The following PCDHGB4 variants were observed in gnomAD, a reference collection of about 807,000 sequenced individuals.
The protein encoded by PCDHGB4 is protocadherin gamma subfamily B, 4.
Under a neutral mutation model 60.5 loss-of-function variants are expected in PCDHGB4, and 38 were observed. The observed-to-expected ratio is 0.63, with a 90% CI of 0.48 to 0.82. The LOEUF is 0.82. PCDHGB4 is among the 40% of genes least tolerant of loss of function. The probability of loss-of-function intolerance (pLI) is 0.00; values close to 1 mark genes in which losing one functional copy is unlikely to be tolerated. For missense variants in PCDHGB4, 1,109 were observed against 1,209.6 expected (o/e 0.92, Z 1.23); for synonymous variants, 456 against 509.7 (o/e 0.89, Z 1.42).
intron 1 of PCDHGB4, chr5:141,409,000 C>CACTG: frequency 6.2e-7 from 1 of 1,613,950 alleles, no homozygotes; most frequent in Non-Finnish European, 8.5e-7. Flanking sequence ...AAGTGACAGC[C>CACTG]ACTGACCAGG....
rs1467261705 is a variant in PCDHGB4, at chr5:141,417,640, C to G, written c.2397+27359C>G. 6.6e-6 allele frequency: 5 copies of G among 761,360 alleles called. No homozygotes were observed. The African/African-American group carries it at 8.8e-5, about 13-fold the overall frequency. 47.2% of individuals were successfully genotyped at this position (761,360 alleles called of 1,614,324 possible). A position where few individuals can be genotyped will look rare whatever the true frequency, so the allele number is the denominator to read the frequency against. On this transcript the variant is annotated intron_variant, in intron 1 of 3. Coordinates refer to ENST00000519479, the MANE Select transcript of PCDHGB4 (RefSeq NM_003736.4). ...AGAGCAAGCGCTGACGCCGGGGATC[C>G]CTCAGCCTCTAGCCTGGGATTCCCT...
intron 1 of PCDHGB4, chr5:141,414,330 G>T: frequency 6.2e-7 from 1 of 1,613,714 alleles, no homozygotes; most frequent in Non-Finnish European, 8.5e-7. Flanking sequence ...AGAATGGACA[G>T]GTAACCTGTT....
At chr5:141,394,159 C>T in intron 1 of PCDHGB4, 1 of 1,613,916 alleles carries the variant, frequency 6.2e-7, no homozygotes, top group Non-Finnish European at 8.5e-7. Context: ...AACGACAACC[C>T]TCCTACTTTC....
intron 1 of PCDHGB4, among the ~76,000 whole-genome samples, chr5:141,481,743 G>C (rs1257734207): frequency 1.3e-5 from 2 of 152,096 alleles, no homozygotes; most frequent in Non-Finnish European, 2.9e-5. Context: ...CACGAGGTCA[G>C]GAGTCCAAGA....
At chr5:141,418,343 A>G in intron 1 of PCDHGB4, 1 of 1,614,010 alleles carries the variant, frequency 6.2e-7, no homozygotes, top group Non-Finnish European at 8.5e-7. Flanking sequence ...AGATCCTGAT[A>G]TTAGTATGAA....
chr5:141,478,514 G>A, intron 1 of PCDHGB4: 2 of 1,611,534 alleles, frequency 1.2e-6, no homozygotes, highest in Non-Finnish European at 1.7e-6. Context: ...CTATAGGCAG[G>A]TGTTGGGTGC....
rs57426385 is a variant in PCDHGB4 at position 141,415,740 on chromosome 5, G to GTTTTT, written c.2397+25487_2397+25491dup. 865 of 624,308 alleles carry GTTTTT rather than the reference G, an allele frequency of 1.4e-3. 3 individuals carry two copies. Among genetic ancestry groups the GTTTTT allele is most frequent in the South Asian group, 2.2e-3 (75 of 34,868 alleles). The allele number at this position is 624,308 out of a possible 1,614,324, so 38.7% of individuals were successfully genotyped here. A position where few individuals can be genotyped will look rare whatever the true frequency, so the allele number is the denominator to read the frequency against. ...TGAGTAGAATTTGATGTTTATTAAG[G>GTTTTT]TTTTTTTTTTTTTTTTTTTTTTTTT... is the stretch of plus-strand genomic sequence containing the variant. On this transcript the variant is annotated intron_variant, in intron 1 of 3. Transcript: ENST00000519479.
chr5:141,427,046 C>G (rs916723344), intron 1 of PCDHGB4: 2 of 457,362 alleles, frequency 4.4e-6, no homozygotes, highest in Admixed American at 4.7e-5. Context: ...AGAATGTGCC[C>G]CCAGGCACCT....
intron 1 of PCDHGB4, among the ~76,000 whole-genome samples, chr5:141,462,941 G>A (rs1667222225): frequency 6.6e-6 from 1 of 152,158 alleles, no homozygotes; most frequent in Non-Finnish European, 1.5e-5. Flanking sequence ...TTCAAGGCTT[G>A]TTTTTAAGCT....
chr5:141,394,508 C>A (rs776107587), intron 1 of PCDHGB4: 3 of 1,614,104 alleles, frequency 1.9e-6, no homozygotes, highest in Non-Finnish European at 2.5e-6. Context: ...TCCTGTACCC[C>A]GCCCTCCCCA....
At chr5:141,418,868 G>A in intron 1 of PCDHGB4, 2 of 1,613,998 alleles carry the variant, frequency 1.2e-6, no homozygotes, top group Non-Finnish European at 1.7e-6. Flanking sequence ...AATTGTAGAA[G>A]TTGTAGACGA....
chr5:141,438,638 A>G (rs1192725978), intron 1 of PCDHGB4, among the ~76,000 whole-genome samples: 1 of 22,806 alleles, frequency 4.4e-5, no homozygotes, highest in East Asian at 1.6e-3. Flanking sequence ...ATATATATAC[A>G]CACACACACA....
chr5:141,464,907 T>A lies in PCDHGB4; in HGVS notation c.2398-29900T>A, dbSNP rs187725683. On this transcript the variant is annotated intron_variant, in intron 1 of 3. Transcript: ENST00000519479. ...ATGGATGCCACCATGTCCAGCTAAT[T>A]TTTTTATTTTTTTGTAGAGATGTGA... 4.5e-3 allele frequency among the ~76,000 whole-genome samples: 687 copies of A among 152,148 alleles called. 4 individuals are homozygous for A. Among genetic ancestry groups the A allele is most frequent in the African/African-American group, 0.015 (630 of 41,510 alleles).
intron 1 of PCDHGB4, chr5:141,430,984 C>A (rs765063685): frequency 6.2e-7 from 1 of 1,613,648 alleles, no homozygotes; most frequent in South Asian, 1.1e-5. Flanking sequence ...CGCAGCTTTT[C>A]GCCCTGAATC....
At chr5:141,419,744 G>A (rs760207269) in intron 1 of PCDHGB4, 28 of 1,613,778 alleles carry the variant, frequency 1.7e-5, no homozygotes, top group East Asian at 2.2e-5. Context: ...GGTGCGCATG[G>A]TGCGTGCTTT....
chr5:141,394,855 C>T (rs1201168639), intron 1 of PCDHGB4: 2 of 1,613,778 alleles, frequency 1.2e-6, no homozygotes, highest in African/African-American at 1.3e-5. Context: ...CTGAAGCCTT[C>T]GGTCGACCCG....
At chr5:141,499,271 T>C (rs2099790752) in intron 2 of PCDHGB4, among the ~76,000 whole-genome samples, 1 of 152,180 alleles carries the variant, frequency 6.6e-6, no homozygotes, top group South Asian at 2.1e-4. Context: ...GTCCCTAGAC[T>C]GTTCTCTGAT....
rs138745923 is a variant in PCDHGB4, at chr5:141,420,954, A to C, written c.2397+30673A>C. On this transcript the variant is annotated intron_variant, in intron 1 of 3. Transcript: ENST00000519479. ...GTAATCATTTCTTCTGGAATTTCTTAGTCGTTGCAATAATAAGAATGGGCT... is the reference window on the plus strand; with the variant it reads ...GTAATCATTTCTTCTGGAATTTCTTCGTCGTTGCAATAATAAGAATGGGCT... 3.9e-3 allele frequency: 1,621 copies of C among 412,482 alleles called. 10 individuals are homozygous for C. The highest frequency in any genetic ancestry group is 0.01 in the Admixed American group (249 of 24,550). The allele number at this position is 412,482 out of a possible 1,614,324, so 25.6% of individuals were successfully genotyped here.
chr5:141,395,077 A>G (rs2093162583), intron 1 of PCDHGB4: 3 of 1,614,024 alleles, frequency 1.9e-6, no homozygotes, highest in Non-Finnish European at 2.5e-6. Flanking sequence ...ACCTATTCCC[A>G]GGAAGTCTCC....
Sources: allele counts gnomAD v4.1 joint callset (sites outside exome capture counted in the v4.1 genomes callset), GRCh38; gene constraint gnomAD v4.1.1; transcripts MANE v1.5; gene names NCBI Gene and HGNC (gene_info 2026-07-23, HGNC 2026-07-21).